AGBL1: variants seen among roughly 807,000 people sequenced by gnomAD.
AGBL1 encodes AGBL carboxypeptidase 1, also known as cytosolic carboxypeptidase 4.
A neutral mutation model predicts 118.9 loss-of-function variants in AGBL1; 130 were observed. The ratio of observed to expected loss-of-function variants is 1.09; its 90% CI spans 0.95 to 1.26. The LOEUF is 1.26. Ranked by LOEUF, AGBL1 falls within the 50% of genes most tolerant of loss-of-function variation. The pLI, the probability that AGBL1 is intolerant of heterozygous loss-of-function variation, is 0.00. For synonymous variants in AGBL1, 555 were observed against 478.9 expected, an observed-to-expected ratio of 1.16 and a Z score of -2.08; for missense variants, 1,584 against 1,298.1, an observed-to-expected ratio of 1.22 and a Z score of -3.38.
intron 5 of AGBL1, among the ~76,000 whole-genome samples, chr15:86,175,645 A>G (rs1444918358): frequency 6.6e-6 from 1 of 151,812 alleles, no homozygotes; most frequent in East Asian, 1.9e-4. Context: ...TTTGCTATAA[A>G]CTTCTCTTAG....
At position 86,142,016 on chromosome 15, in the gene AGBL1, A is replaced by G. The variant is rs1444852298; in HGVS notation, c.64A>G (p.Lys22Glu). 1 of 1,549,930 alleles carries G rather than the reference A, an allele frequency of 6.5e-7. No homozygotes were observed. The highest frequency in any genetic ancestry group is 2.4e-5 in the East Asian group (1 of 40,912). The change falls in exon 2 of 23, where the codon AAG (lysine) becomes GAG (glutamate). Residue 22 changes from lysine to glutamate, a missense_variant. By Grantham distance (56) the Lys-to-Glu change is moderately conservative (BLOSUM62 1). Transcript: ENST00000614907. ...GTTCTCATTGCAGAGCTCCTCTGACAAGGAGTCCATCCTGACCATCCTCAA... is the reference window on the plus strand; with the variant it reads ...GTTCTCATTGCAGAGCTCCTCTGACGAGGAGTCCATCCTGACCATCCTCAA... Reference protein sequence around the residue: ...LLHTLQSSSDKESILTILKVL... With the variant: ...LLHTLQSSSDEESILTILKVL...
At chr15:86,483,713 A>C (rs1399433127) in intron 18 of AGBL1, among the ~76,000 whole-genome samples, 1 of 152,174 alleles carries the variant, frequency 6.6e-6, no homozygotes, top group Non-Finnish European at 1.5e-5. Context: ...AGATTTGGGT[A>C]GATGAAATGG....
intron 5 of AGBL1, among the ~76,000 whole-genome samples, chr15:86,205,865 C>T (rs2141869733): frequency 6.6e-6 from 1 of 152,290 alleles, no homozygotes; most frequent in Middle Eastern, 3.4e-3. Context: ...TTCTAGGGTA[C>T]ATGGGCACAA....
intron 1 of AGBL1, among the ~76,000 whole-genome samples, chr15:86,085,015 A>C (rs1259402771): frequency 6.6e-6 from 1 of 152,250 alleles, no homozygotes; most frequent in Non-Finnish European, 1.5e-5. Flanking sequence ...ATATTGGTAC[A>C]TGCCCAATAA....
At chr15:86,594,634 A>G (rs1440489983) in intron 21 of AGBL1, among the ~76,000 whole-genome samples, 1 of 152,178 alleles carries the variant, frequency 6.6e-6, no homozygotes, top group Non-Finnish European at 1.5e-5. Context: ...ATTTATTTCA[A>G]TGTTAAAATT....
intron 3 of AGBL1, among the ~76,000 whole-genome samples, chr15:86,149,985 G>A (rs898064539): frequency 7.9e-5 from 12 of 152,014 alleles, no homozygotes; most frequent in African/African-American, 2.2e-4. Context: ...ACTCAAAACC[G>A]CACAACTACA....
chr15:86,186,414 A>G (rs2077634240), intron 5 of AGBL1, among the ~76,000 whole-genome samples: 1 of 152,248 alleles, frequency 6.6e-6, no homozygotes, highest in Non-Finnish European at 1.5e-5. Flanking sequence ...GCATTCCAAC[A>G]CAAGTCTCTG....
At chr15:86,658,542 A>T (rs760057134) in intron 21 of AGBL1, among the ~76,000 whole-genome samples, 12 of 152,186 alleles carry the variant, frequency 7.9e-5, no homozygotes, top group Non-Finnish European at 1.5e-4. Flanking sequence ...ACTATCTAGC[A>T]AAATGAAAAT....
intron 22 of AGBL1, among the ~76,000 whole-genome samples, chr15:86,862,720 CAAACAA>C (rs939477232): frequency 8.1e-4 from 124 of 152,228 alleles, no homozygotes; most frequent in African/African-American, 2.7e-3. Context: ...ACTCCATCTC[CAAACAA>C]AAACAAAAAC....
chr15:86,242,803 G>T (rs1050381269), intron 6 of AGBL1, among the ~76,000 whole-genome samples: 6 of 152,244 alleles, frequency 3.9e-5, no homozygotes, highest in African/African-American at 7.2e-5. Flanking sequence ...AGTAAGAGGA[G>T]CAGTGGGCTG....
intron 5 of AGBL1, among the ~76,000 whole-genome samples, chr15:86,172,427 C>T (rs2077428634): frequency 6.6e-6 from 1 of 152,202 alleles, no homozygotes; most frequent in Non-Finnish European, 1.5e-5. Flanking sequence ...ATCATCACTT[C>T]ACTATGCTAT....
chr15:86,757,958 T>C (rs1037046396), intron 22 of AGBL1, among the ~76,000 whole-genome samples: 1 of 152,160 alleles, frequency 6.6e-6, no homozygotes, highest in Non-Finnish European at 1.5e-5. Context: ...GCTCCATCTC[T>C]AACAAAGAGA....
intron 18 of AGBL1, among the ~76,000 whole-genome samples, chr15:86,510,505 A>T (rs2083041218): frequency 6.6e-6 from 1 of 152,030 alleles, no homozygotes; most frequent in African/African-American, 2.4e-5. Context: ...CTTTGAGAAA[A>T]CTCAGCTCTA....
At chr15:86,170,399 A>T (rs1006188271) in intron 5 of AGBL1, among the ~76,000 whole-genome samples, 2 of 152,208 alleles carry the variant, frequency 1.3e-5, no homozygotes, top group Admixed American at 1.3e-4. Flanking sequence ...AATTTGAGCC[A>T]CTGGGGAGAG....
chr15:86,211,867 A>G (rs548584653), intron 5 of AGBL1, among the ~76,000 whole-genome samples: 4 of 152,206 alleles, frequency 2.6e-5, no homozygotes, highest in Non-Finnish European at 4.4e-5. Context: ...ACCAGTCCCA[A>G]TGAGATGAAC....
At chr15:86,086,548 CAG>C (rs1405217225) in intron 1 of AGBL1, among the ~76,000 whole-genome samples, 2 of 152,176 alleles carry the variant, frequency 1.3e-5, no homozygotes, top group Non-Finnish European at 2.9e-5. Flanking sequence ...GAATATAAAA[CAG>C]GGCATGATAG....
chr15:86,410,501 T>C (rs1199055373), intron 18 of AGBL1, among the ~76,000 whole-genome samples: 2 of 151,970 alleles, frequency 1.3e-5, no homozygotes, highest in Admixed American at 1.3e-4. Flanking sequence ...TACTCCTGTT[T>C]GCTCCACTTT....
intron 17 of AGBL1, among the ~76,000 whole-genome samples, chr15:86,321,049 G>A (rs2080097282): frequency 2.0e-5 from 3 of 152,132 alleles, no homozygotes; most frequent in African/African-American, 4.8e-5. Context: ...TGAGAGGCTT[G>A]TAATTTTCTT....
chr15:86,945,762 G>A lies in AGBL1; in HGVS notation c.3222-42225G>A, dbSNP rs192315860. Among the ~76,000 whole-genome samples, 9 of 152,300 alleles carry A rather than the reference G, an allele frequency of 5.9e-5. No homozygotes were observed. The South Asian group carries it at 8.3e-4, about 14-fold the overall frequency. ...GATATGTGTGTGCATATGTGTGTGC[G>A]TGTATGTATGTTTTCTATTTTGATT... is the stretch of plus-strand genomic sequence containing the variant. On this transcript the variant is annotated intron_variant, in intron 23 of 24. Coordinates refer to the AGBL1 transcript ENST00000441037.
Sources: allele counts gnomAD v4.1 joint callset (sites outside exome capture counted in the v4.1 genomes callset), GRCh38; gene constraint gnomAD v4.1.1; transcripts MANE v1.5; gene names NCBI Gene and HGNC (gene_info 2026-07-23, HGNC 2026-07-21).